Variants in NT5DC1 observed in about 807,000 individuals in gnomAD.
NT5DC1 encodes the protein 5'-nucleotidase domain containing 1.
NT5DC1 carries 42 observed loss-of-function variants against 59.4 expected under a neutral mutation model. That is an observed-to-expected ratio of 0.71 (90% CI 0.55 to 0.92). The LOEUF (loss-of-function observed/expected upper bound fraction) is 0.92. Among genes scored for constraint, NT5DC1 ranks in the 40% least tolerant of loss-of-function variants. NT5DC1 has a pLI of 0.00. For missense variants in NT5DC1, 501 were observed against 537.1 expected (o/e 0.93, Z 0.66); for synonymous variants, 172 against 188.1 (o/e 0.91, Z 0.70).
chr6:116,173,599 G>A (rs1446401831), intron 6 of NT5DC1, among the ~76,000 whole-genome samples: 1 of 152,122 alleles, frequency 6.6e-6, no homozygotes, highest in Non-Finnish European at 1.5e-5. Flanking sequence ...GCTGTGGACT[G>A]TGGTAAAAAT....
At chr6:116,157,158 T>C (rs929141379) in intron 6 of NT5DC1, among the ~76,000 whole-genome samples, 4 of 152,194 alleles carry the variant, frequency 2.6e-5, no homozygotes, top group Non-Finnish European at 5.9e-5. Flanking sequence ...TTTGGTAATA[T>C]GTGTATCCCA....
At chr6:116,120,545 C>A in intron 6 of NT5DC1, 5 of 1,613,584 alleles carry the variant, frequency 3.1e-6, no homozygotes, top group Non-Finnish European at 4.2e-6. Flanking sequence ...CTTTATAAAA[C>A]CCTCAGGCAT....
intron 8 of NT5DC1, among the ~76,000 whole-genome samples, chr6:116,230,001 T>C (rs902235957): frequency 1.3e-5 from 2 of 152,224 alleles, no homozygotes; most frequent in African/African-American, 4.8e-5. Flanking sequence ...GGTCACCTTG[T>C]GTGTATTCTT....
At chr6:116,158,737 G>A (rs1323257440) in intron 6 of NT5DC1, 1 of 152,188 alleles carries the variant, frequency 6.6e-6, no homozygotes, top group Non-Finnish European at 1.5e-5. Context: ...GATCCCAGGA[G>A]GGGTAAAAAC....
intron 6 of NT5DC1, among the ~76,000 whole-genome samples, chr6:116,161,559 G>A (rs1168974070): frequency 1.3e-5 from 2 of 152,014 alleles, no homozygotes; most frequent in Non-Finnish European, 2.9e-5. Context: ...TTTATTTCTG[G>A]GTTCTCTATT....
intron 2 of NT5DC1, among the ~76,000 whole-genome samples, chr6:116,107,744 T>G (rs1010687428): frequency 6.6e-6 from 1 of 151,860 alleles, no homozygotes; most frequent in African/African-American, 2.4e-5. Context: ...GGCTAATTTT[T>G]TGTATTTTTA....
chr6:116,149,587 A>C (rs1401293861), intron 6 of NT5DC1, among the ~76,000 whole-genome samples: 2 of 152,240 alleles, frequency 1.3e-5, no homozygotes, highest in Admixed American at 1.3e-4. Context: ...CCAAAGGATG[A>C]CTGTCGAAAG....
chr6:116,119,150 AATAAT>A (rs1233449694), intron 6 of NT5DC1: 22 of 152,768 alleles, frequency 1.4e-4, no homozygotes, highest in Admixed American at 1.2e-3. Flanking sequence ...TGCATAAATA[AATAAT>A]ATATCTCCAC....
At chr6:116,192,990 C>T (rs574284972) in intron 6 of NT5DC1, among the ~76,000 whole-genome samples, 2 of 151,998 alleles carry the variant, frequency 1.3e-5, no homozygotes, top group Non-Finnish European at 2.9e-5. Flanking sequence ...ATGAGATATA[C>T]TTAGTTTGTC....
chr6:116,222,971 C>T (rs1781837007), intron 7 of NT5DC1, 63 bp from the exon 8 acceptor site: 2 of 826,266 alleles, frequency 2.4e-6, no homozygotes, highest in East Asian at 5.0e-5. Flanking sequence ...AGATCAAGTT[C>T]TGTTTTATAT....
chr6:116,152,439 C>T (rs570672526), intron 6 of NT5DC1, among the ~76,000 whole-genome samples: 31 of 152,182 alleles, frequency 2.0e-4, no homozygotes, highest in African/African-American at 7.5e-4. Context: ...CTTTTGAACT[C>T]CTGTGTCCTC....
rs1042505611 is a variant in NT5DC1 at position 116,235,382 on chromosome 6, A to G, written c.803-1584A>G. Among the ~76,000 whole-genome samples, 9 of 152,282 alleles carry G rather than the reference A, an allele frequency of 5.9e-5. No homozygotes were observed. In the South Asian group the frequency reaches 8.3e-4, roughly 14 times the overall value. On this transcript the variant is annotated intron_variant, in intron 8 of 11. Coordinates refer to ENST00000319550, the MANE Select transcript of NT5DC1 (RefSeq NM_152729.3). ...AGTACATGATTTTGGCTTCCTATCT[A>G]TTCTTTCTTTAAAGAATAGTGGGAT...
chr6:116,237,450 T>C (rs745469521), intron 9 of NT5DC1: 1 of 463,588 alleles, frequency 2.2e-6, no homozygotes, highest in Non-Finnish European at 4.3e-6. Context: ...CAGAACCCTT[T>C]CTTCTAAGAA....
chr6:116,128,862 C>T (rs1779390065), intron 6 of NT5DC1, among the ~76,000 whole-genome samples: 1 of 152,114 alleles, frequency 6.6e-6, no homozygotes, highest in Non-Finnish European at 1.5e-5. Context: ...TGTTCTATTA[C>T]CACCTTGTTA....
At chr6:116,115,976 A>T (rs1361269820) in intron 5 of NT5DC1, among the ~76,000 whole-genome samples, 1 of 152,126 alleles carries the variant, frequency 6.6e-6, no homozygotes, top group Non-Finnish European at 1.5e-5. Flanking sequence ...CTCTCAGGAA[A>T]AATAAACCTA....
intron 6 of NT5DC1, chr6:116,120,540 TA>T (rs1273112823): frequency 6.2e-7 from 1 of 1,613,886 alleles, no homozygotes; most frequent in Admixed American, 1.7e-5. Context: ...CCTGCCTTTA[TA>T]AAACCCTCAG....
At chr6:116,205,926 G>A (rs1292652063) in intron 6 of NT5DC1, among the ~76,000 whole-genome samples, 1 of 151,890 alleles carries the variant, frequency 6.6e-6, no homozygotes, top group Non-Finnish European at 1.5e-5. Flanking sequence ...TCTGCACAAT[G>A]AGATTAGGTT....
intron 6 of NT5DC1, among the ~76,000 whole-genome samples, chr6:116,139,833 C>T (rs1326989481): frequency 6.6e-6 from 1 of 152,072 alleles, no homozygotes; most frequent in Non-Finnish European, 1.5e-5. Context: ...AAAGTTGTGT[C>T]TTTGAGACCT....
At chr6:116,123,222 A>G (rs548114504) in intron 6 of NT5DC1, among the ~76,000 whole-genome samples, 24 of 152,320 alleles carry the variant, frequency 1.6e-4, no homozygotes, top group African/African-American at 5.8e-4. Flanking sequence ...GTCAATGGAA[A>G]TGAGTGCATT....
Sources: allele counts gnomAD v4.1 joint callset (sites outside exome capture counted in the v4.1 genomes callset), GRCh38; gene constraint gnomAD v4.1.1; transcripts MANE v1.5; gene names NCBI Gene and HGNC (gene_info 2026-07-23, HGNC 2026-07-21).